The following PIK3CD variants were observed in gnomAD, a reference collection of about 807,000 sequenced individuals.
PIK3CD encodes the protein phosphatidylinositol-4,5-bisphosphate 3-kinase catalytic subunit delta.
PIK3CD carries 20 observed loss-of-function variants against 122.9 expected under a neutral mutation model. The observed-to-expected ratio is 0.16, with a 90% CI of 0.11 to 0.24. The LOEUF (loss-of-function observed/expected upper bound fraction) is 0.24. Ranked by LOEUF, PIK3CD falls within the 10% of genes least tolerant of loss-of-function variation. The probability of loss-of-function intolerance (pLI) is 1.00; values close to 1 mark genes in which losing one functional copy is unlikely to be tolerated. For synonymous variants in PIK3CD, 596 were observed against 593.4 expected, an observed-to-expected ratio of 1.00 and a Z score of -0.06; for missense variants, 787 against 1,406.3, an observed-to-expected ratio of 0.56 and a Z score of 7.04.
chr1:9,633,352 G>T, the PIK3CD span, among the ~76,000 whole-genome samples: 4 of 152,158 alleles, frequency 2.6e-5, no homozygotes, highest in African/African-American at 9.7e-5. Flanking sequence ...TTGTCGCCCA[G>T]GCTGGAGTGC....
In PIK3CD at chr1:9,717,455, A is replaced by G; in HGVS notation, c.931-82A>G. ...CCTGTGACCCTCTCACCCGCCCCCAAGTGGTCACGGGCCTCACCATAGGCC... is the reference window on the plus strand; with the variant it reads ...CCTGTGACCCTCTCACCCGCCCCCAGGTGGTCACGGGCCTCACCATAGGCC... On this transcript the variant is annotated intron_variant, in intron 7 of 23. Coordinates refer to ENST00000377346, the MANE Select transcript of PIK3CD (RefSeq NM_005026.5). The surrounding 1 kb of genome is among the most constrained non-coding windows in gnomAD (Gnocchi z 5.4). The G allele has an allele frequency of 7.5e-7, 1 of 1,341,740 alleles. No homozygotes were observed. Among genetic ancestry groups the G allele is most frequent in the Non-Finnish European group, 1.1e-6 (1 of 933,070 alleles). The allele number at this position is 1,341,740 out of a possible 1,614,324, so 83.1% of individuals were successfully genotyped here. A position where few individuals can be genotyped will look rare whatever the true frequency, so the allele number is the denominator to read the frequency against.
rs777173368 is a variant in PIK3CD at position 9,726,888 on chromosome 1, AC to A, written c.2998-19del. On this transcript the variant is annotated intron_variant, in intron 23 of 23. Transcript: ENST00000377346. ...AGGTCCGGGCCCCCTTAACGTGGAC[AC>A]CGCTGTGATTTGTTTGCAGGACTCC... 92 of 1,613,548 alleles carry A rather than the reference AC, an allele frequency of 5.7e-5. No individual in the cohort carries two copies. Among genetic ancestry groups the A allele is most frequent in the Non-Finnish European group, 7.4e-5 (87 of 1,179,814 alleles).
chr1:9,721,013 C>T (rs1648550415), intron 13 of PIK3CD, 104 bp downstream of exon 13: 2 of 1,448,186 alleles, frequency 1.4e-6, no homozygotes, highest in Middle Eastern at 2.0e-4. Context: ...CCTGGCCAAC[C>T]TTCACCCTGA....
intron 23 of PIK3CD, among the ~76,000 whole-genome samples, chr1:9,725,265 A>AT (rs1649342538): frequency 6.6e-6 from 1 of 152,154 alleles, no homozygotes; most frequent in Admixed American, 6.5e-5. Context: ...TCTAAAAGAT[A>AT]TTTTTTGGCC....
chr1:9,667,257 G>C lies in PIK3CD; in HGVS notation c.-138+15455G>C, dbSNP rs549435494. Among the ~76,000 whole-genome samples, 4 of 152,280 alleles carry C rather than the reference G, an allele frequency of 2.6e-5. No homozygotes were observed. The South Asian group carries it at 8.3e-4, about 32-fold the overall frequency. On this transcript the variant is annotated intron_variant, in intron 1 of 23. Transcript: ENST00000377346. ...GAGGCGAGAGGATTGCTTGAGCCCAGGAATTCAAGGTTGCCAAGGGTGATG... is the reference window on the plus strand; with the variant it reads ...GAGGCGAGAGGATTGCTTGAGCCCACGAATTCAAGGTTGCCAAGGGTGATG...
intron 1 of PIK3CD, chr1:9,654,329 C>T (rs897639834): frequency 7.3e-7 from 1 of 1,367,762 alleles, no homozygotes; most frequent in Non-Finnish European, 9.8e-7. Context: ...TTGCACTAAG[C>T]TGTGGGCTCC....
rs1316395708 is a variant in PIK3CD at position 9,728,114 on chromosome 1, ATT to A, written c.*1069_*1070del. 6.6e-6 allele frequency: 1 copy of A among 152,592 alleles called. No individual in the cohort carries two copies. The highest frequency in any genetic ancestry group is 2.4e-5 in the African/African-American group (1 of 41,422). 9.5% of individuals were successfully genotyped at this position (152,592 alleles called of 1,614,324 possible). A position where few individuals can be genotyped will look rare whatever the true frequency, so the allele number is the denominator to read the frequency against. On this transcript the variant is annotated 3_prime_UTR_variant, in exon 24 of 24. Coordinates refer to ENST00000377346, the MANE Select transcript of PIK3CD (RefSeq NM_005026.5). ...GCCACCGCGCCCGGCCCACTCTGCCATTGTCTAAGCCACCTCTGAAAGCAGGT... is the reference window on the plus strand; with the variant it reads ...GCCACCGCGCCCGGCCCACTCTGCCAGTCTAAGCCACCTCTGAAAGCAGGT...
the PIK3CD span, among the ~76,000 whole-genome samples, chr1:9,638,625 G>T: frequency 7.9e-5 from 12 of 151,286 alleles, no homozygotes; most frequent in Admixed American, 7.9e-4. Context: ...CCAGCTACTT[G>T]GGAGGCTGAG....
chr1:9,711,443 C>A (rs1329610434), intron 3 of PIK3CD, among the ~76,000 whole-genome samples: 1 of 152,158 alleles, frequency 6.6e-6, no homozygotes. Flanking sequence ...GTGGTTGCGT[C>A]CAATTATTCC....
intron 2 of PIK3CD, among the ~76,000 whole-genome samples, chr1:9,703,663 C>T (rs989737341): frequency 2.0e-5 from 3 of 152,090 alleles, no homozygotes; most frequent in South Asian, 2.1e-4. Context: ...TGAGAGTCAT[C>T]GATACTGTTG....
the PIK3CD span, among the ~76,000 whole-genome samples, chr1:9,631,033 G>A: frequency 1.3e-5 from 2 of 152,212 alleles, no homozygotes; most frequent in Admixed American, 6.5e-5. Flanking sequence ...GCTCCCTTTC[G>A]CTCAAGCAGG....
At chr1:9,679,310 C>T (rs528577568) in intron 1 of PIK3CD, among the ~76,000 whole-genome samples, 188 of 152,038 alleles carry the variant, frequency 1.2e-3, no homozygotes, top group African/African-American at 3.8e-3. Flanking sequence ...TCAGGTGATC[C>T]GCCCACCTTG....
chr1:9,676,723 C>A (rs1645553234), intron 1 of PIK3CD, among the ~76,000 whole-genome samples: 6 of 152,216 alleles, frequency 3.9e-5, no homozygotes, highest in Admixed American at 3.9e-4. Context: ...CCTTGAGTCC[C>A]ACTTTCCTCA....
intron 1 of PIK3CD, among the ~76,000 whole-genome samples, chr1:9,684,767 T>A (rs1362909329): frequency 7.1e-6 from 1 of 140,988 alleles, no homozygotes; most frequent in East Asian, 2.1e-4. Flanking sequence ...GGTGGGAGGA[T>A]CACCTGAGTC....
At position 9,655,696 on chromosome 1, in the gene PIK3CD, TC is replaced by T. The variant is rs1378252422; in HGVS notation, c.-138+3895del. ...TCCTATTACTTTCTTTCTTTTTTCT[TC>T]TTTTTTTTTTTTTTTTTTGAGACGG... On this transcript the variant is annotated intron_variant, in intron 1 of 23. Transcript: ENST00000377346. 4.0e-3 allele frequency among the ~76,000 whole-genome samples: 514 copies of T among 129,168 alleles called. 1 individual carries two copies. Among genetic ancestry groups the T allele is most frequent in the South Asian group, 0.029 (97 of 3,378 alleles). 84.7% of individuals were successfully genotyped at this position (129,168 alleles called of 152,430 possible). A position where few individuals can be genotyped will look rare whatever the true frequency, so the allele number is the denominator to read the frequency against.
At chr1:9,692,381 T>A (rs963804531) in intron 2 of PIK3CD, among the ~76,000 whole-genome samples, 3 of 152,186 alleles carry the variant, frequency 2.0e-5, no homozygotes, top group African/African-American at 4.8e-5. Flanking sequence ...TTTCTCTAGA[T>A]CTTCATTGGT....
In PIK3CD at chr1:9,710,147, G is replaced by C. The variant is rs530624131; in HGVS notation, c.-32-277G>C. The C allele has an allele frequency of 2.3e-4, 101 of 429,840 alleles. No individual in the cohort carries two copies. Among genetic ancestry groups the C allele is most frequent in the African/African-American group, 1.8e-3 (89 of 49,748 alleles). 26.6% of individuals were successfully genotyped at this position (429,840 alleles called of 1,614,324 possible). Reference sequence around the variant, plus strand: ...CTTTCGTGGATGTGTATGTTCCTGAGGAAAGATGATTTGCTGTGCGTGCTC... The same window carrying C: ...CTTTCGTGGATGTGTATGTTCCTGACGAAAGATGATTTGCTGTGCGTGCTC... On this transcript the variant is annotated intron_variant, in intron 2 of 23. Coordinates refer to ENST00000377346, the MANE Select transcript of PIK3CD (RefSeq NM_005026.5). The surrounding 1 kb of genome is among the most constrained non-coding windows in gnomAD (Gnocchi z 4.7).
the PIK3CD span, among the ~76,000 whole-genome samples, chr1:9,643,138 G>A: frequency 1.3e-5 from 2 of 151,386 alleles, no homozygotes; most frequent in African/African-American, 2.4e-5. Flanking sequence ...GCCAGGCATG[G>A]TGGCTCATGC....
At position 9,717,406 on chromosome 1, in the gene PIK3CD, G is replaced by T. The variant is rs1022495796; in HGVS notation, c.931-131G>T. On this transcript the variant is annotated intron_variant, in intron 7 of 23. Coordinates refer to ENST00000377346, the MANE Select transcript of PIK3CD (RefSeq NM_005026.5). This position sits in a 1 kb window ranked among gnomAD's most constrained non-coding sequence, Gnocchi z 5.4. ...TTTTCTGGGAAAGGATAGCATTGTG[G>T]ACAGGCCCAAACCTGGCCGCAAACC... 7.4e-6 allele frequency: 7 copies of T among 952,142 alleles called. No individual in the cohort carries two copies. The African/African-American group carries it at 1.1e-4, about 15-fold the overall frequency. The allele number at this position is 952,142 out of a possible 1,614,324, so 59.0% of individuals were successfully genotyped here.
Sources: gnomAD v4.1 joint callset for allele counts (sites outside exome capture counted in the v4.1 genomes callset) on GRCh38, gnomAD v4.1.1 for gene constraint, Gnocchi (gnomAD v3.1) non-coding constraint, MANE v1.5 for transcripts, NCBI Gene and HGNC (gene_info 2026-07-23, HGNC 2026-07-21) for gene names.